Variants in SSPN observed in about 807,000 individuals in gnomAD.
SSPN encodes K-ras oncogene-associated protein.
A neutral mutation model predicts 19.1 loss-of-function variants in SSPN; 15 were observed. The observed-to-expected ratio is 0.78, with a 90% CI of 0.52 to 1.21. SSPN has a LOEUF of 1.21. SSPN is among the 50% of genes most tolerant of loss of function. The pLI, the probability that SSPN is intolerant of heterozygous loss-of-function variation, is 0.00. For synonymous variants in SSPN, 147 were observed against 140.3 expected, an observed-to-expected ratio of 1.05 and a Z score of -0.34; for missense variants, 291 against 314.0, an observed-to-expected ratio of 0.93 and a Z score of 0.55.
intron 1 of SSPN, chr12:26,181,353 A>G (rs779183480): frequency 1.2e-4 from 19 of 152,326 alleles, no homozygotes; most frequent in Non-Finnish European, 2.1e-4. Flanking sequence ...ATACTACTGT[A>G]AAACAAAATT....
At chr12:26,152,879 T>C (rs1944533805) in intron 1 of SSPN, among the ~76,000 whole-genome samples, 1 of 152,222 alleles carries the variant, frequency 6.6e-6, no homozygotes, top group South Asian at 2.1e-4. Flanking sequence ...TCCAACTTCA[T>C]CTTGCCATTG....
chr12:26,128,537 C>T (rs924943710), intron 1 of SSPN, among the ~76,000 whole-genome samples: 4 of 152,148 alleles, frequency 2.6e-5, no homozygotes, highest in Admixed American at 1.3e-4. Context: ...AATGTGAAGA[C>T]TTCAGGTTAG....
chr12:26,179,780 G>A (rs971430371), intron 1 of SSPN, among the ~76,000 whole-genome samples: 28 of 152,142 alleles, frequency 1.8e-4, no homozygotes, highest in African/African-American at 6.5e-4. Flanking sequence ...GCTACCTCTT[G>A]AAGAGGCAAC....
chr12:26,172,842 T>C lies in SSPN; in HGVS notation c.-31+50690T>C, dbSNP rs186846796. 4.5e-3 allele frequency among the ~76,000 whole-genome samples: 678 copies of C among 152,182 alleles called. 2 individuals carry two copies. Among genetic ancestry groups the C allele is most frequent in the African/African-American group, 0.015 (611 of 41,516 alleles). On this transcript the variant is annotated intron_variant, in intron 1 of 2. Transcript: ENST00000538142. ...AGTGGCGCGATTAGAATCCACTTTC[T>C]TTACAGATCTCTCTCTCTCTCTGTC... is the stretch of plus-strand genomic sequence containing the variant.
In SSPN at chr12:26,232,241, A is replaced by G. The variant is rs1477911734; in HGVS notation, c.*1165A>G. On this transcript the variant is annotated 3_prime_UTR_variant, in exon 3 of 3. Coordinates refer to ENST00000242729, the MANE Select transcript of SSPN (RefSeq NM_005086.5). ...TTCGTATGCTTAGTCAACCTAGGAA[A>G]TCAAAATAATGTTTTGAAGTTCTTA... 1.0e-6 allele frequency: 1 copy of G among 985,328 alleles called. No homozygotes were observed. Among genetic ancestry groups the G allele is most frequent in the African/African-American group, 1.7e-5 (1 of 57,244 alleles). The allele number at this position is 985,328 out of a possible 1,614,324, so 61.0% of individuals were successfully genotyped here. A position where few individuals can be genotyped will look rare whatever the true frequency, so the allele number is the denominator to read the frequency against.
At chr12:26,168,664 T>C (rs1944635590) in intron 1 of SSPN, among the ~76,000 whole-genome samples, 1 of 152,180 alleles carries the variant, frequency 6.6e-6, no homozygotes, top group African/African-American at 2.4e-5. Flanking sequence ...AGGAAGAAGG[T>C]TTCGTGGAGG....
At chr12:26,195,572 C>G, upstream of SSPN, 1 of 1,322,136 alleles carries the variant, frequency 7.6e-7, no homozygotes, top group Non-Finnish European at 9.6e-7. Flanking sequence ...GTTCAGCCTC[C>G]ATAATTCGAA....
chr12:26,175,379 A>G (rs1291342321), intron 1 of SSPN, among the ~76,000 whole-genome samples: 1 of 152,018 alleles, frequency 6.6e-6, no homozygotes. Flanking sequence ...TCCATTTTTT[A>G]TTGGATTATT....
At chr12:26,122,294 G>GCC in intron 1 of SSPN, 3 of 1,188,300 alleles carry the variant, frequency 2.5e-6, no homozygotes, top group Non-Finnish European at 3.1e-6. Context: ...CGGCGGCGGC[G>GCC]GCGGCAGCGG....
Position 26,231,982 on chromosome 12 carries a change from T to C in SSPN, c.*906T>C. On this transcript the variant is annotated 3_prime_UTR_variant, in exon 3 of 3. Coordinates refer to ENST00000242729, the MANE Select transcript of SSPN (RefSeq NM_005086.5). The stretch of plus-strand genomic sequence containing the variant: ...CAAGAGCAGAGGCCTGAAGATTCTT[T>C]CTTCTGAAAGCCAAGCACCACAAGG... 1.0e-6 allele frequency: 1 copy of C among 979,256 alleles called. No individual in the cohort carries two copies. Among genetic ancestry groups the C allele is most frequent in the Non-Finnish European group, 1.2e-6 (1 of 828,898 alleles). The allele number at this position is 979,256 out of a possible 1,614,324, so 60.7% of individuals were successfully genotyped here.
chr12:26,224,212 G>A, intron 1 of SSPN, 81 bp from the exon 2 acceptor site: 2 of 938,640 alleles, frequency 2.1e-6, no homozygotes, highest in Admixed American at 1.8e-5. Context: ...GGATGTGACT[G>A]CAGGAAGATA....
intron 1 of SSPN, chr12:26,123,265 T>A: frequency 7.1e-7 from 1 of 1,408,570 alleles, no homozygotes; most frequent in South Asian, 1.5e-5. Flanking sequence ...GGGCCCTGCA[T>A]CGACTAAAGT....
intron 1 of SSPN, among the ~76,000 whole-genome samples, chr12:26,131,677 T>C (rs948998699): frequency 6.6e-6 from 1 of 152,222 alleles, no homozygotes; most frequent in Non-Finnish European, 1.5e-5. Context: ...GACTAATTTC[T>C]AAGGCTGGGA....
chr12:26,218,625 C>G (rs1054086575), intron 1 of SSPN, among the ~76,000 whole-genome samples: 2 of 152,108 alleles, frequency 1.3e-5, no homozygotes, highest in Non-Finnish European at 2.9e-5. Context: ...TACCATAAGG[C>G]AGTGGCAATG....
chr12:26,131,245 C>A (rs1944395906), intron 1 of SSPN, among the ~76,000 whole-genome samples: 1 of 152,228 alleles, frequency 6.6e-6, no homozygotes, highest in Admixed American at 6.5e-5. Context: ...TCCTTAAGCA[C>A]ATGGTCCTTA....
At chr12:26,160,203 G>C (rs1056446832) in intron 1 of SSPN, among the ~76,000 whole-genome samples, 6 of 152,170 alleles carry the variant, frequency 3.9e-5, no homozygotes, top group Non-Finnish European at 8.8e-5. Flanking sequence ...TTTTCAAAGC[G>C]AGAATCCAAT....
intron 1 of SSPN, among the ~76,000 whole-genome samples, chr12:26,130,149 G>C (rs909037515): frequency 6.6e-6 from 1 of 152,144 alleles, no homozygotes; most frequent in Non-Finnish European, 1.5e-5. Context: ...CCATTTCTCT[G>C]GAGTCTGGAC....
At chr12:26,122,756 C>A in intron 1 of SSPN, 3 of 1,596,532 alleles carry the variant, frequency 1.9e-6, no homozygotes, top group Non-Finnish European at 2.5e-6. Flanking sequence ...CTTTGCCTTT[C>A]TCGCGGTCCG....
intron 2 of SSPN, among the ~76,000 whole-genome samples, chr12:26,229,684 T>G (rs988195687): frequency 1.6e-4 from 25 of 152,210 alleles, no homozygotes; most frequent in African/African-American, 5.3e-4. Context: ...GAGAGCAACT[T>G]TTGACTGTGG....
Sources: allele counts gnomAD v4.1 joint callset (sites outside exome capture counted in the v4.1 genomes callset), GRCh38; gene constraint gnomAD v4.1.1; transcripts MANE v1.5; gene names NCBI Gene and HGNC (gene_info 2026-07-23, HGNC 2026-07-21).